SUPT3H: variants seen among roughly 807,000 people sequenced by gnomAD.
SUPT3H encodes transcription initiation protein SPT3 homolog.
Under a neutral mutation model 44.3 loss-of-function variants are expected in SUPT3H, and 44 were observed. That is an observed-to-expected ratio of 0.99 (90% CI 0.78 to 1.28). SUPT3H has a LOEUF of 1.28. Among genes scored for constraint, SUPT3H ranks in the 50% most tolerant of loss-of-function variants. The pLI is 0.00. For synonymous variants in SUPT3H, 124 were observed against 125.6 expected, an observed-to-expected ratio of 0.99 and a Z score of 0.09; for missense variants, 380 against 387.1, an observed-to-expected ratio of 0.98 and a Z score of 0.15.
At chr6:45,281,207 AC>A (rs1335728986) in intron 2 of SUPT3H, among the ~76,000 whole-genome samples, 1 of 152,186 alleles carries the variant, frequency 6.6e-6, no homozygotes, top group East Asian at 1.9e-4. Flanking sequence ...CAACTGAGGT[AC>A]CGGTTCATCT....
At chr6:45,036,232 GA>G (rs994865412) in intron 3 of SUPT3H, among the ~76,000 whole-genome samples, 1 of 152,108 alleles carries the variant, frequency 6.6e-6, no homozygotes, top group Non-Finnish European at 1.5e-5. Context: ...CAGGTGAGGG[GA>G]GTTTGTGGAT....
chr6:45,001,782 T>A (rs1445168143), intron 6 of SUPT3H, among the ~76,000 whole-genome samples: 1 of 152,120 alleles, frequency 6.6e-6, no homozygotes, highest in Non-Finnish European at 1.5e-5. Flanking sequence ...ATTATTCTAC[T>A]GAACTTTAAA....
intron 3 of SUPT3H, among the ~76,000 whole-genome samples, chr6:45,040,143 T>G (rs1788304756): frequency 6.6e-6 from 1 of 152,164 alleles, no homozygotes. Context: ...TTTCATCTAT[T>G]CAACCCCAAG....
At chr6:45,033,734 A>G (rs374447420) in intron 3 of SUPT3H, among the ~76,000 whole-genome samples, 2 of 152,120 alleles carry the variant, frequency 1.3e-5, no homozygotes, top group African/African-American at 4.8e-5. Flanking sequence ...AAGGTTATGG[A>G]TTTTAAGTGT....
intron 2 of SUPT3H, chr6:45,321,862 A>G: frequency 1.3e-6 from 2 of 1,593,150 alleles, no homozygotes; most frequent in Non-Finnish European, 1.7e-6. Context: ...TTTTCCAATT[A>G]TTTCTATAGA....
Position 45,365,113 on chromosome 6 carries a change from A to C in SUPT3H, c.101+88T>G, listed in dbSNP as rs1794904881. 3.8e-6 allele frequency: 3 copies of C among 783,444 alleles called. No individual in the cohort carries two copies. In the East Asian group the frequency reaches 8.3e-5, roughly 22 times the overall value. 48.5% of individuals were successfully genotyped at this position (783,444 alleles called of 1,614,324 possible). A position where few individuals can be genotyped will look rare whatever the true frequency, so the allele number is the denominator to read the frequency against. On this transcript the variant is annotated intron_variant, in intron 2 of 10. Coordinates refer to ENST00000371459, the MANE Select transcript of SUPT3H (RefSeq NM_003599.4). ...ATTAATAACAAATTATTTCCAAGTT[A>C]AGTTTTATAAATGTTGTTATGTCTA...
rs374713789 is a variant in SUPT3H at position 44,812,165 on chromosome 6, T to C, written c.*53-2664A>G. Reference sequence around the variant, plus strand: ...ACAAATTTATTATCTTACAGTTCTATAGGCCAGAAGTCCAGTATAAGTCTC... The same window carrying C: ...ACAAATTTATTATCTTACAGTTCTACAGGCCAGAAGTCCAGTATAAGTCTC... On this transcript the variant is annotated intron_variant and NMD_transcript_variant, in intron 11 of 11. Transcript: ENST00000475057. Among the ~76,000 whole-genome samples, 85 of 152,350 alleles carry C rather than the reference T, an allele frequency of 5.6e-4. 1 individual carries two copies. In the South Asian group the frequency reaches 0.017, roughly 31 times the overall value.
chr6:45,256,149 C>T (rs928878286), intron 2 of SUPT3H, among the ~76,000 whole-genome samples: 6 of 152,054 alleles, frequency 3.9e-5, no homozygotes, highest in South Asian at 2.1e-4. Flanking sequence ...CCAGCCTGGG[C>T]GACAGTGCAA....
At chr6:45,103,888 T>G (rs945745025) in intron 3 of SUPT3H, among the ~76,000 whole-genome samples, 1 of 152,106 alleles carries the variant, frequency 6.6e-6, no homozygotes, top group Non-Finnish European at 1.5e-5. Context: ...AACAGTTAAC[T>G]TGTAACAGAA....
chr6:45,355,498 C>T (rs1351666883), intron 2 of SUPT3H, among the ~76,000 whole-genome samples: 1 of 151,932 alleles, frequency 6.6e-6, no homozygotes, highest in Admixed American at 6.6e-5. Context: ...TAAAATCCAC[C>T]AATACAGAAA....
intron 2 of SUPT3H, among the ~76,000 whole-genome samples, chr6:45,182,313 T>C (rs2153613983): frequency 6.6e-6 from 1 of 152,178 alleles, no homozygotes; most frequent in Middle Eastern, 3.4e-3. Flanking sequence ...CAGGCTGGAG[T>C]GTAGTGGCGC....
At chr6:44,968,302 A>G (rs1445949023) in intron 6 of SUPT3H, among the ~76,000 whole-genome samples, 1 of 152,230 alleles carries the variant, frequency 6.6e-6, no homozygotes, top group Admixed American at 6.5e-5. Flanking sequence ...CATGTAAATT[A>G]TGAAATGTGT....
At chr6:44,950,270 A>G (rs1252135453) in intron 9 of SUPT3H, among the ~76,000 whole-genome samples, 2 of 152,206 alleles carry the variant, frequency 1.3e-5, no homozygotes, top group East Asian at 3.8e-4. Context: ...GTCAATGTCC[A>G]TTCTATAGGA....
intron 2 of SUPT3H, among the ~76,000 whole-genome samples, chr6:45,252,815 T>C (rs1402539150): frequency 1.3e-5 from 2 of 152,072 alleles, no homozygotes; most frequent in South Asian, 2.1e-4. Flanking sequence ...AGGGCTGTGA[T>C]GAATAAAAGA....
intron 9 of SUPT3H, 30 bp downstream of exon 9, chr6:44,953,280 T>C (rs1390230517): frequency 6.4e-7 from 1 of 1,562,774 alleles, no homozygotes; most frequent in African/African-American, 1.4e-5. Flanking sequence ...AATTCACAAA[T>C]GTTTTAAGAC....
At chr6:45,284,658 C>A (rs1043292899) in intron 2 of SUPT3H, among the ~76,000 whole-genome samples, 2 of 152,182 alleles carry the variant, frequency 1.3e-5, no homozygotes, top group Admixed American at 1.3e-4. Context: ...CAAATTCTAC[C>A]AGAGTTACAA....
intron 10 of SUPT3H, among the ~76,000 whole-genome samples, chr6:44,883,397 C>CA (rs1215084056): frequency 6.6e-6 from 1 of 152,132 alleles, no homozygotes; most frequent in African/African-American, 2.4e-5. Flanking sequence ...AATGGAAAAA[C>CA]ATTCCATGCT....
chr6:45,154,492 G>A (rs1385072252), intron 2 of SUPT3H, among the ~76,000 whole-genome samples: 1 of 152,148 alleles, frequency 6.6e-6, no homozygotes, highest in East Asian at 1.9e-4. Context: ...AAACTTCAGT[G>A]AGTAGTCACC....
At chr6:45,283,756 T>C (rs1189520514) in intron 2 of SUPT3H, among the ~76,000 whole-genome samples, 2 of 151,120 alleles carry the variant, frequency 1.3e-5, no homozygotes, top group African/African-American at 4.9e-5. Flanking sequence ...TCTACAGAAC[T>C]CTCCACCCCA....
Sources: allele counts gnomAD v4.1 joint callset (sites outside exome capture counted in the v4.1 genomes callset), GRCh38; gene constraint gnomAD v4.1.1; transcripts MANE v1.5; gene names NCBI Gene and HGNC (gene_info 2026-07-23, HGNC 2026-07-21).